The following PDE3A variants were observed in gnomAD, a reference collection of about 807,000 sequenced individuals.
The protein encoded by PDE3A is phosphodiesterase 3A, also known as cGMP-inhibited 3',5'-cyclic phosphodiesterase 3A.
In PDE3A, 43 loss-of-function variants were observed where a neutral mutation model predicts 98.3. That is an observed-to-expected ratio of 0.44 (90% CI 0.34 to 0.56). PDE3A has a LOEUF of 0.56. Among genes scored for constraint, PDE3A ranks in the 20% least tolerant of loss-of-function variants. PDE3A has a pLI of 0.01. For synonymous variants in PDE3A, 663 were observed against 567.9 expected, an observed-to-expected ratio of 1.17 and a Z score of -2.38; for missense variants, 1,427 against 1,440.7, an observed-to-expected ratio of 0.99 and a Z score of 0.15.
intron 15 of PDE3A, among the ~76,000 whole-genome samples, chr12:20,663,786 G>T (rs1309467693): frequency 4.6e-5 from 7 of 152,192 alleles, no homozygotes; most frequent in African/African-American, 1.2e-4. Flanking sequence ...GGACTTTTGG[G>T]TTAATGCTGG....
At chr12:20,579,879 A>G (rs1186467616) in intron 2 of PDE3A, among the ~76,000 whole-genome samples, 1 of 152,220 alleles carries the variant, frequency 6.6e-6, no homozygotes, top group Non-Finnish European at 1.5e-5. Context: ...TTGAAGAGCC[A>G]TGTATTATAG....
intron 2 of PDE3A, among the ~76,000 whole-genome samples, chr12:20,594,561 T>A (rs1176309105): frequency 6.6e-6 from 1 of 151,544 alleles, no homozygotes; most frequent in Non-Finnish European, 1.5e-5. Flanking sequence ...GCCTGGTACC[T>A]GAGCAAAATG....
intron 15 of PDE3A, among the ~76,000 whole-genome samples, chr12:20,662,805 T>C (rs1245447652): frequency 6.6e-6 from 1 of 152,210 alleles, no homozygotes; most frequent in Non-Finnish European, 1.5e-5. Context: ...AACCCATTTT[T>C]TGAGGAGAAA....
At chr12:20,506,801 A>G (rs1235880016) in intron 1 of PDE3A, among the ~76,000 whole-genome samples, 1 of 152,062 alleles carries the variant, frequency 6.6e-6, no homozygotes, top group Non-Finnish European at 1.5e-5. Context: ...TATGGCATCA[A>G]GTTAATTCAT....
chr12:20,552,286 A>G lies in PDE3A; in HGVS notation c.961-4374A>G. ...TAGCAAGTACGCCCCCGCTGAGGGC[A>G]ACCGCTACGATGGCATCTACAAGGT... On this transcript the variant is annotated intron_variant, in intron 1 of 15. Transcript: ENST00000359062. This position sits in a 1 kb window ranked among gnomAD's most constrained non-coding sequence, Gnocchi z 5.1. 2.5e-6 allele frequency: 4 copies of G among 1,613,948 alleles called. No individual in the cohort carries two copies. Among genetic ancestry groups the G allele is most frequent in the Non-Finnish European group, 2.5e-6 (3 of 1,179,888 alleles).
chr12:20,634,849 GC>G (rs151261214), intron 7 of PDE3A, 52 bp from the exon 8 acceptor site: 125,220 of 1,417,778 alleles, frequency 0.088, 6,225 homozygotes, highest in South Asian at 0.17. Flanking sequence ...GCTTAAATGA[GC>G]CCCCTTTCCC....
intron 1 of PDE3A, among the ~76,000 whole-genome samples, chr12:20,453,527 T>C (rs116378568): frequency 0.011 from 1,715 of 152,158 alleles, 30 homozygotes; most frequent in African/African-American, 0.04. Flanking sequence ...AGTATACAGG[T>C]GGCAAAAACA....
intron 1 of PDE3A, among the ~76,000 whole-genome samples, chr12:20,473,148 A>G (rs1945469687): frequency 6.6e-6 from 1 of 152,176 alleles, no homozygotes; most frequent in Admixed American, 6.6e-5. Flanking sequence ...TCTTTGAATT[A>G]TGAATATTAT....
intron 2 of PDE3A, among the ~76,000 whole-genome samples, chr12:20,597,433 T>C (rs952089415): frequency 6.6e-6 from 1 of 152,220 alleles, no homozygotes; most frequent in African/African-American, 2.4e-5. Flanking sequence ...GTGATAAGTA[T>C]GTTTGCTATC....
chr12:20,550,173 A>T (rs933234893), intron 1 of PDE3A, among the ~76,000 whole-genome samples: 7 of 152,050 alleles, frequency 4.6e-5, no homozygotes, highest in Admixed American at 3.3e-4. Context: ...TGTTTGTAAG[A>T]TTTATTTACC....
intron 4 of PDE3A, among the ~76,000 whole-genome samples, chr12:20,619,431 C>G (rs12312310): frequency 0.28 from 41,841 of 151,830 alleles, 6,004 homozygotes; most frequent in African/African-American, 0.31. Flanking sequence ...CTTTAAAAAG[C>G]CTACTTAGAA....
intron 1 of PDE3A, among the ~76,000 whole-genome samples, chr12:20,487,977 A>G (rs74066454): frequency 0.014 from 2,099 of 152,272 alleles, 48 homozygotes; most frequent in African/African-American, 0.047. Flanking sequence ...GTTTCTTCAC[A>G]TAGAGCAAAT....
At chr12:20,503,521 T>C (rs889047111) in intron 1 of PDE3A, among the ~76,000 whole-genome samples, 3 of 152,088 alleles carry the variant, frequency 2.0e-5, no homozygotes, top group African/African-American at 7.2e-5. Flanking sequence ...TCAGAAACCA[T>C]TCAGGAGAAG....
chr12:20,589,879 A>G (rs956425068), intron 2 of PDE3A, among the ~76,000 whole-genome samples: 1 of 151,864 alleles, frequency 6.6e-6, no homozygotes, highest in Admixed American at 6.6e-5. Flanking sequence ...AAAAAAAAAA[A>G]AAAAAAAAAA....
chr12:20,474,087 A>G (rs186393135), intron 1 of PDE3A, among the ~76,000 whole-genome samples: 56 of 152,274 alleles, frequency 3.7e-4, no homozygotes, highest in Non-Finnish European at 4.4e-5. Flanking sequence ...TTGTAGCAAT[A>G]TACACTCTCC....
intron 4 of PDE3A, among the ~76,000 whole-genome samples, chr12:20,618,813 T>C (rs930998422): frequency 9.9e-5 from 15 of 152,084 alleles, no homozygotes; most frequent in Non-Finnish European, 1.6e-4. Flanking sequence ...CCCCTGCCTG[T>C]GTATTCAGGC....
intron 6 of PDE3A, among the ~76,000 whole-genome samples, chr12:20,631,700 A>AT (rs58133440): frequency 0.24 from 27,657 of 116,686 alleles, 2,998 homozygotes; most frequent in Non-Finnish European, 0.27. Flanking sequence ...ATCATAGTGT[A>AT]TTTTTTTTTT....
intron 1 of PDE3A, among the ~76,000 whole-genome samples, chr12:20,467,807 C>T (rs1302488011): frequency 6.6e-5 from 10 of 151,362 alleles, no homozygotes; most frequent in East Asian, 2.0e-4. Flanking sequence ...TGGTGGCACG[C>T]GCCTATAATC....
chr12:20,529,326 AG>A (rs1275856506), intron 1 of PDE3A, among the ~76,000 whole-genome samples: 8 of 152,162 alleles, frequency 5.3e-5, no homozygotes, highest in Non-Finnish European at 1.2e-4. Context: ...GAGCCCCTTT[AG>A]GTATAATAAT....
Sources: allele counts gnomAD v4.1 joint callset (sites outside exome capture counted in the v4.1 genomes callset), GRCh38; gene constraint gnomAD v4.1.1; non-coding constraint Gnocchi (gnomAD v3.1); transcripts MANE v1.5; gene names NCBI Gene and HGNC (gene_info 2026-07-23, HGNC 2026-07-21).